The following CA10 variants were observed in gnomAD, a reference collection of about 807,000 sequenced individuals.
CA10 encodes carbonic anhydrase 10 (inactive), also known as carbonic anhydrase-related protein 10.
Under a neutral mutation model 44.2 loss-of-function variants are expected in CA10, and 14 were observed. The ratio of observed to expected loss-of-function variants is 0.32; its 90% CI spans 0.21 to 0.50. The LOEUF (loss-of-function observed/expected upper bound fraction) is 0.50. Among genes scored for constraint, CA10 ranks in the 20% least tolerant of loss-of-function variants. CA10 has a pLI of 0.99. For missense variants in CA10, 350 were observed against 409.7 expected, an observed-to-expected ratio of 0.85 and a Z score of 1.26; for synonymous variants, 159 against 141.6, an observed-to-expected ratio of 1.12 and a Z score of -0.87.
At chr17:51,898,870 T>A (rs761493163) in intron 3 of CA10, among the ~76,000 whole-genome samples, 5 of 152,076 alleles carry the variant, frequency 3.3e-5, no homozygotes, top group African/African-American at 4.8e-5. Context: ...AGGTTTTTTT[T>A]AATATTTCTG....
chr17:52,002,547 T>G (rs1448046475), intron 2 of CA10, among the ~76,000 whole-genome samples: 1 of 151,560 alleles, frequency 6.6e-6, no homozygotes, highest in African/African-American at 2.4e-5. Flanking sequence ...CTTCAGGGGG[T>G]TCTTTAAATG....
intron 3 of CA10, among the ~76,000 whole-genome samples, chr17:51,783,203 C>T (rs1189579200): frequency 6.6e-6 from 1 of 152,020 alleles, no homozygotes; most frequent in East Asian, 1.9e-4. Context: ...CAGGGTAATG[C>T]CCCCAAAGCA....
intron 1 of CA10, among the ~76,000 whole-genome samples, chr17:52,120,582 C>T (rs1598225369): frequency 6.6e-6 from 1 of 152,132 alleles, no homozygotes; most frequent in Admixed American, 6.5e-5. Flanking sequence ...AAGGAAGTGT[C>T]CCTGGAGAAT....
rs534377740 is a variant in CA10 at position 51,632,347 on chromosome 17, A to C, written c.965-741T>G. ...AAAGAGAAGAAGCAATGAATGAGTT[A>C]GGTATTTACTTTTCTGGTAGTTCCG... On this transcript the variant is annotated intron_variant, in intron 8 of 8. Coordinates refer to ENST00000451037, the MANE Select transcript of CA10 (RefSeq NM_020178.5). 8.5e-5 allele frequency among the ~76,000 whole-genome samples: 13 copies of C among 152,330 alleles called. No individual in the cohort carries two copies. In the South Asian group the frequency reaches 2.7e-3, roughly 32 times the overall value.
chr17:51,795,777 C>T lies in CA10; in HGVS notation c.280-47959G>A, dbSNP rs117299928. Reference sequence around the variant, plus strand: ...AAGGTGACCTCTGCATGGCCTTCATCCTCACTCGTGGTGGTCACAGGGCAT... The same window carrying T: ...AAGGTGACCTCTGCATGGCCTTCATTCTCACTCGTGGTGGTCACAGGGCAT... On this transcript the variant is annotated intron_variant, in intron 3 of 8. Transcript: ENST00000451037. Among the ~76,000 whole-genome samples, 1,390 of 152,318 alleles carry T rather than the reference C, an allele frequency of 9.1e-3. 12 individuals are homozygous for T. Among genetic ancestry groups the T allele is most frequent in the Non-Finnish European group, 0.015 (1,016 of 68,028 alleles).
At chr17:51,961,598 A>G (rs1202256044) in intron 2 of CA10, among the ~76,000 whole-genome samples, 1 of 152,218 alleles carries the variant, frequency 6.6e-6, no homozygotes. Flanking sequence ...GCAAATTACT[A>G]TTAGACATGA....
intron 1 of CA10, among the ~76,000 whole-genome samples, chr17:52,149,371 C>A (rs1310730598): frequency 6.6e-6 from 1 of 152,228 alleles, no homozygotes; most frequent in Non-Finnish European, 1.5e-5. Context: ...TCCTTCATAA[C>A]CTTTGATAAT....
chr17:51,848,512 G>C (rs1567860009), intron 3 of CA10, among the ~76,000 whole-genome samples: 1 of 152,180 alleles, frequency 6.6e-6, no homozygotes, highest in Non-Finnish European at 1.5e-5. Flanking sequence ...CACAGCACTG[G>C]CCTGTGGAGA....
chr17:51,658,734 T>A (rs1017864519), intron 4 of CA10, among the ~76,000 whole-genome samples: 5 of 152,132 alleles, frequency 3.3e-5, no homozygotes, highest in Non-Finnish European at 5.9e-5. Flanking sequence ...AGAAACCAAT[T>A]GATCTGATGT....
At chr17:51,814,513 G>A (rs923673069) in intron 3 of CA10, among the ~76,000 whole-genome samples, 1 of 152,214 alleles carries the variant, frequency 6.6e-6, no homozygotes, top group Non-Finnish European at 1.5e-5. Context: ...GCTGTTGTAA[G>A]TCCTGCGGTA....
At chr17:51,998,086 C>T (rs1985298453) in intron 2 of CA10, among the ~76,000 whole-genome samples, 1 of 151,964 alleles carries the variant, frequency 6.6e-6, no homozygotes, top group African/African-American at 2.4e-5. Flanking sequence ...CGCCCTGGAC[C>T]CAGCCCAGTG....
At chr17:51,653,521 T>C (rs2143284621) in intron 5 of CA10, 120 bp downstream of exon 5, 2 of 668,386 alleles carry the variant, frequency 3.0e-6, no homozygotes, top group African/African-American at 1.8e-5. Flanking sequence ...CACCATCCCA[T>C]AGTTTTCTTA....
intron 1 of CA10, among the ~76,000 whole-genome samples, chr17:52,088,548 C>T (rs574160812): frequency 8.0e-4 from 122 of 151,996 alleles, no homozygotes; most frequent in Non-Finnish European, 1.4e-3. Context: ...ACCACATAAC[C>T]TCAAGATCTA....
chr17:51,867,767 A>G (rs1979618227), intron 3 of CA10, among the ~76,000 whole-genome samples: 1 of 152,144 alleles, frequency 6.6e-6, no homozygotes, highest in Admixed American at 6.5e-5. Context: ...ACCTAGAGGG[A>G]ATTGGTAATC....
At chr17:52,032,296 T>G (rs1023692667) in intron 2 of CA10, among the ~76,000 whole-genome samples, 1 of 152,158 alleles carries the variant, frequency 6.6e-6, no homozygotes, top group Non-Finnish European at 1.5e-5. Flanking sequence ...TTATTATTAT[T>G]ATTATTTTCA....
chr17:51,652,849 G>A (rs1225986578), intron 5 of CA10, among the ~76,000 whole-genome samples: 1 of 152,124 alleles, frequency 6.6e-6, no homozygotes, highest in Non-Finnish European at 1.5e-5. Flanking sequence ...AACATCCCCA[G>A]GGGCTAGCAT....
intron 6 of CA10, among the ~76,000 whole-genome samples, chr17:51,644,761 CATCAGATATATT>C (rs1229332731): frequency 6.6e-6 from 1 of 151,094 alleles, no homozygotes; most frequent in Non-Finnish European, 1.5e-5. Context: ...TCACATAAAA[CATCAGATATATT>C]ATCAGATATA....
chr17:51,998,251 TA>T (rs1985303902), intron 2 of CA10, among the ~76,000 whole-genome samples: 1 of 151,836 alleles, frequency 6.6e-6, no homozygotes, highest in Non-Finnish European at 1.5e-5. Context: ...CTCATGGGAG[TA>T]AATGAAGGAA....
At chr17:51,730,971 T>A (rs1916691923) in intron 4 of CA10, among the ~76,000 whole-genome samples, 1 of 152,050 alleles carries the variant, frequency 6.6e-6, no homozygotes, top group South Asian at 2.1e-4. Context: ...ATAGAGTTGT[T>A]ATAGACCAAT....
Sources: gnomAD v4.1 joint callset for allele counts (sites outside exome capture counted in the v4.1 genomes callset) on GRCh38, gnomAD v4.1.1 for gene constraint, MANE v1.5 for transcripts, NCBI Gene and HGNC (gene_info 2026-07-23, HGNC 2026-07-21) for gene names.